The following TPO variants were observed in gnomAD, a reference collection of about 807,000 sequenced individuals.
The protein encoded by TPO is thyroid peroxidase, also known as thyroid microsomal antigen.
Under a neutral mutation model 96.9 loss-of-function variants are expected in TPO, and 78 were observed. The observed-to-expected ratio is 0.81, with a 90% CI of 0.67 to 0.97. TPO has a LOEUF of 0.97. Among genes scored for constraint, TPO ranks in the 50% least tolerant of loss-of-function variants. The probability of loss-of-function intolerance (pLI) is 0.00; values close to 1 mark genes in which losing one functional copy is unlikely to be tolerated. For missense variants in TPO, 1,252 were observed against 1,274.8 expected, an observed-to-expected ratio of 0.98 and a Z score of 0.27; for synonymous variants, 547 against 538.0, an observed-to-expected ratio of 1.02 and a Z score of -0.23.
At chr2:1,442,732 C>A (rs1332484813) in intron 5 of TPO, among the ~76,000 whole-genome samples, 1 of 152,226 alleles carries the variant, frequency 6.6e-6, no homozygotes, top group African/African-American at 2.4e-5. Flanking sequence ...TTCTCAAATT[C>A]TCTGCACCTG....
Position 1,385,037 on chromosome 2 carries a change from C to G in TPO, n.180+10635C>G, listed in dbSNP as rs540461680. ...GTTTATTGATTTGCGTATGTTGAAC[C>G]AGCCTTGCATCCCAGGGATGAAGCC... On this transcript the variant is annotated intron_variant and non_coding_transcript_variant, in intron 1 of 5. Coordinates refer to the TPO transcript ENST00000497517. Among the ~76,000 whole-genome samples the G allele has an allele frequency of 1.2e-4, 19 of 152,252 alleles. 1 individual carries two copies. The highest frequency in any genetic ancestry group is 7.8e-4 in the Admixed American group (12 of 15,296).
intron 3 of TPO, among the ~76,000 whole-genome samples, chr2:1,424,656 CA>C (rs565491427): frequency 1.3e-5 from 2 of 152,070 alleles, no homozygotes; most frequent in East Asian, 1.9e-4. Context: ...TGATAGCTCT[CA>C]AAAAAATACA....
chr2:1,517,762 T>C (rs1334017371), intron 15 of TPO, among the ~76,000 whole-genome samples: 1 of 152,150 alleles, frequency 6.6e-6, no homozygotes, highest in East Asian at 1.9e-4. Flanking sequence ...CCAAACTCCT[T>C]GAGCATCCCT....
chr2:1,448,865 T>C (rs1661845116), intron 5 of TPO, among the ~76,000 whole-genome samples: 1 of 152,106 alleles, frequency 6.6e-6, no homozygotes, highest in African/African-American at 2.4e-5. Flanking sequence ...ACAGGTGAAA[T>C]TTCCATCCAG....
chr2:1,377,389 G>C lies in TPO; in HGVS notation n.180+2987G>C, dbSNP rs139133305. Among the ~76,000 whole-genome samples, 751 of 152,322 alleles carry C rather than the reference G, an allele frequency of 4.9e-3. 5 individuals are homozygous for C. The highest frequency in any genetic ancestry group is 0.017 in the African/African-American group (688 of 41,568). ...GATTGCTGTCACAGTTTTATGAAAG[G>C]CATTTTCAAAAGTTAGCCTCGAGGA... On this transcript the variant is annotated intron_variant and non_coding_transcript_variant, in intron 1 of 5. Coordinates refer to the TPO transcript ENST00000497517.
chr2:1,412,862 G>A (rs1423623757), upstream of TPO, among the ~76,000 whole-genome samples: 1 of 152,010 alleles, frequency 6.6e-6, no homozygotes, highest in African/African-American at 2.4e-5. Context: ...TGCAGTCATG[G>A]TGACCTTCCT....
At chr2:1,387,244 T>C (rs1407886449) in intron 1 of TPO, among the ~76,000 whole-genome samples, 1 of 152,196 alleles carries the variant, frequency 6.6e-6, no homozygotes, top group African/African-American at 2.4e-5. Flanking sequence ...ATTTCCTAAT[T>C]TGAATGTTGG....
At chr2:1,380,646 C>T (rs1661796557) in intron 1 of TPO, among the ~76,000 whole-genome samples, 2 of 152,134 alleles carry the variant, frequency 1.3e-5, no homozygotes, top group Non-Finnish European at 2.9e-5. Flanking sequence ...CAATCACAGC[C>T]CCCAGCTGAG....
intron 2 of TPO, among the ~76,000 whole-genome samples, chr2:1,422,391 G>GCTGGACAGACCTCGTGCAGCCGCCTCTC: frequency 1.9e-5 from 1 of 51,910 alleles, no homozygotes; most frequent in Non-Finnish European, 3.6e-5. Flanking sequence ...CAGGCGCCGC[G>GCTGGACAGACCTCGTGCAGCCGCCTCTC]CTGGGCCATG....
At chr2:1,526,722 C>T (rs1312514369) in intron 15 of TPO, among the ~76,000 whole-genome samples, 2 of 132,198 alleles carry the variant, frequency 1.5e-5, no homozygotes, top group Non-Finnish European at 1.6e-5. Context: ...CCCCAAATCC[C>T]ACCTAATGTG....
chr2:1,453,993 A>G (rs1169253695), intron 6 of TPO, among the ~76,000 whole-genome samples, 170 bp downstream of exon 6: 1 of 152,230 alleles, frequency 6.6e-6, no homozygotes, highest in African/African-American at 2.4e-5. Context: ...CCTATGGCTT[A>G]GGAGCCAAGG....
At chr2:1,508,110 G>T (rs1194919268) in intron 14 of TPO, among the ~76,000 whole-genome samples, 1 of 151,580 alleles carries the variant, frequency 6.6e-6, no homozygotes, top group South Asian at 2.1e-4. Flanking sequence ...GTTGAATTTT[G>T]TCAAAGGCCT....
chr2:1,416,921 C>A (rs1045213935), intron 2 of TPO, among the ~76,000 whole-genome samples: 1 of 152,184 alleles, frequency 6.6e-6, no homozygotes, highest in Non-Finnish European at 1.5e-5. Context: ...GATCCAGGCT[C>A]CCCCTGGACC....
intron 2 of TPO, among the ~76,000 whole-genome samples, chr2:1,418,088 GC>G (rs1216224791): frequency 6.6e-6 from 1 of 152,218 alleles, no homozygotes; most frequent in African/African-American, 2.4e-5. Context: ...TTCAAGACCA[GC>G]CTGACCAACA....
At chr2:1,450,683 G>A (rs903581679) in intron 5 of TPO, among the ~76,000 whole-genome samples, 3 of 152,138 alleles carry the variant, frequency 2.0e-5, no homozygotes, top group East Asian at 1.9e-4. Context: ...CACAACAAAT[G>A]TCTGTGAGTG....
intron 14 of TPO, among the ~76,000 whole-genome samples, chr2:1,505,201 G>A (rs1449261143): frequency 2.0e-5 from 3 of 152,102 alleles, no homozygotes; most frequent in African/African-American, 4.8e-5. Flanking sequence ...AGCTACATCC[G>A]CTTGACTGGC....
intron 1 of TPO, among the ~76,000 whole-genome samples, chr2:1,406,738 G>A (rs1395459751): frequency 6.6e-6 from 1 of 152,224 alleles, no homozygotes; most frequent in Non-Finnish European, 1.5e-5. Flanking sequence ...TTTCCTTTCA[G>A]TAATGTAAAT....
At chr2:1,436,152 A>G (rs1665546678) in intron 4 of TPO, 100 bp from the exon 5 acceptor site, 1 of 1,591,368 alleles carries the variant, frequency 6.3e-7, no homozygotes, top group Non-Finnish European at 8.6e-7. Context: ...TATGAATCCC[A>G]AATTCAGATG....
At chr2:1,496,831 A>G (rs988595774) in intron 13 of TPO, 66 bp downstream of exon 13, 32 of 1,609,546 alleles carry the variant, frequency 2.0e-5, no homozygotes, top group Non-Finnish European at 2.6e-5. Context: ...TAACAATGCA[A>G]TGTCATTGAA....
Sources: gnomAD v4.1 joint callset for allele counts (sites outside exome capture counted in the v4.1 genomes callset) on GRCh38, gnomAD v4.1.1 for gene constraint, MANE v1.5 for transcripts, NCBI Gene and HGNC (gene_info 2026-07-23, HGNC 2026-07-21) for gene names.